TMEM135: variants seen among roughly 807,000 people sequenced by gnomAD.
The protein encoded by TMEM135 is transmembrane protein 135, also known as peroxisomal membrane protein 52.
A neutral mutation model predicts 60.3 loss-of-function variants in TMEM135; 30 were observed. The ratio of observed to expected loss-of-function variants is 0.50; its 90% CI spans 0.37 to 0.68. TMEM135 has a LOEUF of 0.68. Ranked by LOEUF, TMEM135 falls within the 30% of genes least tolerant of loss-of-function variation. TMEM135 has a pLI of 0.00. For missense variants in TMEM135, 468 were observed against 548.8 expected, an observed-to-expected ratio of 0.85 and a Z score of 1.47; for synonymous variants, 190 against 186.7, an observed-to-expected ratio of 1.02 and a Z score of -0.14.
At chr11:87,060,894 G>A (rs920420204) in intron 1 of TMEM135, among the ~76,000 whole-genome samples, 2 of 151,942 alleles carry the variant, frequency 1.3e-5, no homozygotes, top group Admixed American at 6.6e-5. Flanking sequence ...TGCCCGCCTC[G>A]GCCTCCCAAA....
intron 6 of TMEM135, among the ~76,000 whole-genome samples, chr11:87,272,534 C>T (rs1242410154): frequency 1.3e-5 from 2 of 152,088 alleles, no homozygotes; most frequent in East Asian, 1.9e-4. Flanking sequence ...GATCACAGCT[C>T]AATGCAACCT....
At chr11:87,055,763 T>C (rs987708882) in intron 1 of TMEM135, among the ~76,000 whole-genome samples, 15 of 152,082 alleles carry the variant, frequency 9.9e-5, no homozygotes, top group Non-Finnish European at 2.1e-4. Context: ...GCTAATTTTG[T>C]ATTTTTAGTA....
intron 5 of TMEM135, among the ~76,000 whole-genome samples, chr11:87,234,260 C>T (rs970010329): frequency 5.9e-5 from 9 of 151,958 alleles, no homozygotes; most frequent in Non-Finnish European, 8.8e-5. Flanking sequence ...CTCCAAAACT[C>T]CTACTACTGT....
intron 6 of TMEM135, among the ~76,000 whole-genome samples, chr11:87,293,265 G>T (rs372031213): frequency 6.6e-6 from 1 of 152,080 alleles, no homozygotes; most frequent in African/African-American, 2.4e-5. Flanking sequence ...CCCCTATTCT[G>T]TGTAAGGTGG....
chr11:87,162,358 C>A (rs1321767943), intron 5 of TMEM135, among the ~76,000 whole-genome samples: 2 of 152,112 alleles, frequency 1.3e-5, no homozygotes, highest in Non-Finnish European at 2.9e-5. Flanking sequence ...TCTTCTAATG[C>A]TATCCCTCCC....
At position 87,067,750 on chromosome 11, in the gene TMEM135, TG is replaced by T; in HGVS notation, c.199del (p.Glu67ArgfsTer9). The T allele has an allele frequency of 6.2e-7, 1 of 1,613,480 alleles. No homozygotes were observed. Among genetic ancestry groups the T allele is most frequent in the Non-Finnish European group, 8.5e-7 (1 of 1,179,496 alleles). ...ACTATTATTTACACAAACTACTCCCTGAGATCCTACAATCCGCTTCATTTCT... is the reference window on the plus strand; with the variant it reads ...ACTATTATTTACACAAACTACTCCCTAGATCCTACAATCCGCTTCATTTCT... ...LDYYLHKLLP[E>X]ILQSASFLTA... On this transcript the variant is annotated frameshift_variant, in exon 2 of 15. Coordinates refer to ENST00000305494, the MANE Select transcript of TMEM135 (RefSeq NM_022918.4). LOFTEE classifies it high-confidence loss of function.
At chr11:87,135,501 T>TTTTA in intron 4 of TMEM135, among the ~76,000 whole-genome samples, 1 of 151,544 alleles carries the variant, frequency 6.6e-6, no homozygotes, top group Non-Finnish European at 1.5e-5. Context: ...ATCTTTTTTT[T>TTTTA]TTTTTTAACG....
At chr11:87,237,825 T>TA (rs887272906) in intron 6 of TMEM135, among the ~76,000 whole-genome samples, 7 of 151,880 alleles carry the variant, frequency 4.6e-5, no homozygotes, top group African/African-American at 7.2e-5. Context: ...CCACTACTCT[T>TA]ACCACCCTCT....
Position 87,069,284 on chromosome 11 carries a change from C to CAAAAA in TMEM135, c.269+1483_269+1487dup, listed in dbSNP as rs778885228. Among the ~76,000 whole-genome samples, 141 of 62,404 alleles carry CAAAAA rather than the reference C, an allele frequency of 2.3e-3. 1 individual carries two copies. The highest frequency in any genetic ancestry group is 4.3e-3 in the East Asian group (10 of 2,326). 40.9% of individuals were successfully genotyped at this position (62,404 alleles called of 152,430 possible). A position where few individuals can be genotyped will look rare whatever the true frequency, so the allele number is the denominator to read the frequency against. Reference sequence around the variant, plus strand: ...TGGGTGACAGAGTAAGACTCCGTCTCAAAAAAAAAAAAAAAAAAAAAAAAG... The same window carrying CAAAAA: ...TGGGTGACAGAGTAAGACTCCGTCTCAAAAAAAAAAAAAAAAAAAAAAAAAAAAAG... On this transcript the variant is annotated intron_variant, in intron 2 of 14. Coordinates refer to ENST00000305494, the MANE Select transcript of TMEM135 (RefSeq NM_022918.4).
intron 14 of TMEM135, 28 bp from the exon 15 acceptor site, chr11:87,321,173 C>G (rs7112344): frequency 6.3e-7 from 1 of 1,588,004 alleles, no homozygotes; most frequent in African/African-American, 1.3e-5. Context: ...TATATTAATA[C>G]TTGTTTACTG....
intron 4 of TMEM135, among the ~76,000 whole-genome samples, chr11:87,142,595 T>A (rs1167041488): frequency 6.6e-6 from 1 of 152,174 alleles, no homozygotes; most frequent in Non-Finnish European, 1.5e-5. Flanking sequence ...TTTTTTTCTC[T>A]ATCTTTGGTT....
chr11:87,211,975 A>G (rs1230254849), intron 5 of TMEM135, among the ~76,000 whole-genome samples: 1 of 152,070 alleles, frequency 6.6e-6, no homozygotes, highest in East Asian at 1.9e-4. Context: ...GAAAAGGCTC[A>G]TTGGCCTTGT....
chr11:87,318,014 C>T (rs76934804), intron 12 of TMEM135, 123 bp from the exon 13 acceptor site: 28,166 of 745,342 alleles, frequency 0.038, 664 homozygotes, highest in Admixed American at 0.051. Flanking sequence ...AATGTGACAT[C>T]GTTTGAGCTC....
intron 4 of TMEM135, among the ~76,000 whole-genome samples, chr11:87,116,573 AATTG>A (rs1203945705): frequency 8.9e-6 from 1 of 112,102 alleles, no homozygotes; most frequent in African/African-American, 3.1e-5. Context: ...GATTGGTATA[AATTG>A]ATTAATATCT....
intron 4 of TMEM135, among the ~76,000 whole-genome samples, chr11:87,154,479 T>C (rs1363194603): frequency 6.6e-6 from 1 of 152,236 alleles, no homozygotes; most frequent in Admixed American, 6.5e-5. Flanking sequence ...TCAGTAGTTA[T>C]GGATATATAC....
chr11:87,208,145 G>T (rs1940279476), intron 5 of TMEM135, among the ~76,000 whole-genome samples: 1 of 152,190 alleles, frequency 6.6e-6, no homozygotes, highest in Non-Finnish European at 1.5e-5. Flanking sequence ...AACCAGCCAA[G>T]AATTCTGGAA....
intron 4 of TMEM135, among the ~76,000 whole-genome samples, chr11:87,128,947 A>G (rs1465252066): frequency 6.6e-6 from 1 of 151,758 alleles, no homozygotes; most frequent in Non-Finnish European, 1.5e-5. Flanking sequence ...ACTCCAATGA[A>G]TTATTTCTTC....
At chr11:87,085,596 A>G (rs1165465389) in intron 3 of TMEM135, among the ~76,000 whole-genome samples, 2 of 152,062 alleles carry the variant, frequency 1.3e-5, no homozygotes, top group African/African-American at 4.8e-5. Context: ...GCTCTACCCA[A>G]AATACAAAAA....
In TMEM135 at chr11:87,164,585, G is replaced by A. The variant is rs891488688; in HGVS notation, c.462+7179G>A. Among the ~76,000 whole-genome samples, 15 of 88,200 alleles carry A rather than the reference G, an allele frequency of 1.7e-4. 3 individuals are homozygous for A. Among genetic ancestry groups the A allele is most frequent in the Non-Finnish European group, 2.9e-4 (14 of 48,592 alleles). 57.9% of individuals were successfully genotyped at this position (88,200 alleles called of 152,430 possible). The stretch of plus-strand genomic sequence containing the variant: ...TTCCAATTCTGTGAAGAAAGGCATT[G>A]GTAGCTTGATGGGGATGGCATTGAA... On this transcript the variant is annotated intron_variant, in intron 5 of 14. Coordinates refer to ENST00000305494, the MANE Select transcript of TMEM135 (RefSeq NM_022918.4).
Sources: allele counts gnomAD v4.1 joint callset (sites outside exome capture counted in the v4.1 genomes callset), GRCh38; gene constraint gnomAD v4.1.1; transcripts MANE v1.5; gene names NCBI Gene and HGNC (gene_info 2026-07-23, HGNC 2026-07-21).